DDX51: variants seen among roughly 807,000 people sequenced by gnomAD.
DDX51 encodes the protein DEAD-box helicase 51.
A neutral mutation model predicts 74.6 loss-of-function variants in DDX51; 67 were observed. The ratio of observed to expected loss-of-function variants is 0.90; its 90% CI spans 0.74 to 1.10. The LOEUF is 1.10. DDX51 is among the 50% of genes least tolerant of loss of function. The pLI is 0.00. For synonymous variants in DDX51, 545 were observed against 402.9 expected, an observed-to-expected ratio of 1.35 and a Z score of -4.22; for missense variants, 1,056 against 905.2, an observed-to-expected ratio of 1.17 and a Z score of -2.14.
At position 132,138,968 on chromosome 12, in the gene DDX51, C is replaced by CA; in HGVS notation, c.*303dup. On this transcript the variant is annotated 3_prime_UTR_variant, in exon 15 of 15. Transcript: ENST00000397333. ...CAAGGTTAATGCCCCCAACTCTCAGCAAAAGCATGACGGGTGCCCGCGTCC... is the reference window on the plus strand; with the variant it reads ...CAAGGTTAATGCCCCCAACTCTCAGCAAAAAGCATGACGGGTGCCCGCGTCC... 1 of 452,492 alleles carries CA rather than the reference C, an allele frequency of 2.2e-6. No homozygotes were observed. The highest frequency in any genetic ancestry group is 4.7e-5 in the South Asian group (1 of 21,358). 28.0% of individuals were successfully genotyped at this position (452,492 alleles called of 1,614,324 possible).
intron 5 of DDX51, 53 bp from the exon 6 acceptor site, chr12:132,142,009 A>C: frequency 1.2e-6 from 2 of 1,608,686 alleles, no homozygotes; most frequent in Non-Finnish European, 1.7e-6. Context: ...CACCTACTGC[A>C]GCAAAAAGGA....
At position 132,141,305 on chromosome 12, in the gene DDX51, C is replaced by T. The variant is rs773367671; in HGVS notation, c.1220G>A (p.Arg407Gln). The T allele has an allele frequency of 2.6e-5, 42 of 1,597,380 alleles. No homozygotes were observed. In the African/African-American group the frequency reaches 3.3e-4, roughly 13 times the overall value. The change falls in exon 8 of 15, where the codon CGA becomes CAA. Residue 407 changes from arginine to glutamine, a missense_variant. Transcript: ENST00000397333. ...DPADPCALLQ[R>Q]RQAQAVTAAS... ...GGCTGTCACAGCCTGGGCCTGCCTTCGCTGGAGCAGGGCACAGGGGTCCGC... is the reference window on the plus strand; with the variant it reads ...GGCTGTCACAGCCTGGGCCTGCCTTTGCTGGAGCAGGGCACAGGGGTCCGC...
chr12:132,140,817 G>A lies in DDX51; in HGVS notation c.1440+14C>T, dbSNP rs111226738. On this transcript the variant is annotated intron_variant, in intron 9 of 14. Coordinates refer to ENST00000397333, the MANE Select transcript of DDX51 (RefSeq NM_175066.4). ...TCCCAGTGCAACCCTCTGCCCACAC[G>A]GTATCCCACTCACCGTGAGCCCAAC... 153 of 1,613,244 alleles carry A rather than the reference G, an allele frequency of 9.5e-5. No individual in the cohort carries two copies. Among genetic ancestry groups the A allele is most frequent in the Non-Finnish European group, 6.9e-5 (81 of 1,179,952 alleles).
chr12:132,143,627 C>T, intron 2 of DDX51, 68 bp downstream of exon 2: 2 of 1,516,188 alleles, frequency 1.3e-6, no homozygotes, highest in Non-Finnish European at 8.8e-7. Context: ...CCGGGGCGAC[C>T]GCCGCACTTA....
intron 1 of DDX51, 29 bp downstream of exon 1, chr12:132,143,964 A>G (rs1897593251): frequency 6.9e-7 from 1 of 1,447,302 alleles, no homozygotes; most frequent in East Asian, 3.0e-5. Context: ...CCGGCGCCCC[A>G]GAGGGAGCCC....
chr12:132,139,601 C>T (rs1223505246), intron 14 of DDX51, 34 bp downstream of exon 14: 3 of 1,612,934 alleles, frequency 1.9e-6, no homozygotes, highest in African/African-American at 1.3e-5. Context: ...ACGCCCTCCC[C>T]AGAGGGTTTC....
rs1402523605 is a variant in DDX51 at position 132,137,864 on chromosome 12, CACT to C, written c.*1405_*1407del. The C allele has an allele frequency of 1.3e-5, 2 of 151,518 alleles. No homozygotes were observed. Among genetic ancestry groups the C allele is most frequent in the African/African-American group, 4.9e-5 (2 of 40,850 alleles). The allele number at this position is 151,518 out of a possible 1,614,324, so 9.4% of individuals were successfully genotyped here. On this transcript the variant is annotated 3_prime_UTR_variant, in exon 15 of 15. Coordinates refer to ENST00000397333, the MANE Select transcript of DDX51 (RefSeq NM_175066.4). ...CCCCAAAACAAACCCACACACTGGC[CACT>C]GTGTCCCCAGCCCCAACCCCCACCA... is the stretch of plus-strand genomic sequence containing the variant.
intron 12 of DDX51, 25 bp downstream of exon 12, chr12:132,140,073 C>T: frequency 6.2e-7 from 1 of 1,609,636 alleles, no homozygotes; most frequent in Non-Finnish European, 8.5e-7. Context: ...CCAGACCCCC[C>T]AGTGGCCGCT....
At position 132,142,177 on chromosome 12, in the gene DDX51, C is replaced by T; in HGVS notation, c.830G>A (p.Arg277Lys). The change falls in exon 5 of 15, where the codon AGA (arginine) becomes AAA (lysine). Residue 277 changes from arginine (R) to lysine (K), a missense_variant. Arg to Lys is a conservative substitution (Grantham distance 26). Coordinates refer to ENST00000397333, the MANE Select transcript of DDX51 (RefSeq NM_175066.4). ...CAGGGCACGGATGTGGCAGACCACT[C>T]TCGAAAGCAGGGCCTGAGGGGGAAG... ...VIPVVQALLS[R>K]VVCHIRALVV... 8.3e-6 allele frequency: 13 copies of T among 1,558,424 alleles called. No individual in the cohort carries two copies. The highest frequency in any genetic ancestry group is 1.0e-5 in the Non-Finnish European group (12 of 1,151,062).
In DDX51 at chr12:132,142,377, C is replaced by T. The variant is rs760453079; in HGVS notation, c.716G>A (p.Gly239Glu). 2 of 1,612,982 alleles carry T rather than the reference C, an allele frequency of 1.2e-6. No individual in the cohort carries two copies. The highest frequency in any genetic ancestry group is 2.2e-5 in the East Asian group (1 of 44,888). Residue 239 changes from glycine (G) to glutamate (E), a missense_variant, in exon 4 of 15, where the codon GGG (glycine) becomes GAG (glutamate). Physicochemically the swap from Gly to Glu is moderately conservative, Grantham distance 98 (BLOSUM62 -2). Coordinates refer to ENST00000397333, the MANE Select transcript of DDX51 (RefSeq NM_175066.4). ...IPALLESAAC[G>E]FLVGRGGYRP... Reference sequence around the variant, plus strand: ...GTAGCCACCTCTGCCCACCAGAAACCCACAGGCTGCGCTCTCCAGGAGGGC... The same window carrying T: ...GTAGCCACCTCTGCCCACCAGAAACTCACAGGCTGCGCTCTCCAGGAGGGC...
intron 2 of DDX51, chr12:132,143,085 C>T (rs1251148987): frequency 6.4e-6 from 4 of 627,628 alleles, no homozygotes; most frequent in Non-Finnish European, 1.1e-5. Flanking sequence ...ACTCTGTAGC[C>T]TCCCATCAAC....
Position 132,139,236 on chromosome 12 carries a change from T to C in DDX51, c.*36A>G, listed in dbSNP as rs756675784. The C allele has an allele frequency of 6.2e-7, 1 of 1,602,740 alleles. No individual in the cohort carries two copies. The highest frequency in any genetic ancestry group is 2.2e-5 in the East Asian group (1 of 44,630). ...TGCTCTGGAAGGAGGGTCAGGGTGG[T>C]GAGCGTTCAGTCCCTCCGGCCCTCT... On this transcript the variant is annotated 3_prime_UTR_variant, in exon 15 of 15. Coordinates refer to ENST00000397333, the MANE Select transcript of DDX51 (RefSeq NM_175066.4).
intron 14 of DDX51, 130 bp from the exon 15 acceptor site, chr12:132,139,428 C>A: frequency 6.6e-7 from 1 of 1,521,376 alleles, no homozygotes. Context: ...CCTGGCCCCG[C>A]TGACAGCCCT....
In DDX51 at chr12:132,139,877, AGT is replaced by A. The variant is rs1481850175; in HGVS notation, c.1821_1822del (p.Leu608AlafsTer15). 1 of 1,613,086 alleles carries A rather than the reference AGT, an allele frequency of 6.2e-7. No individual in the cohort carries two copies. Among genetic ancestry groups the A allele is most frequent in the Non-Finnish European group, 8.5e-7 (1 of 1,180,008 alleles). ...CAGCCTCACCTGCACTTTCAGGAGCAGTGTGAAGGCCTGTCCAGTTTTCCCAG... is the reference window on the plus strand; with the variant it reads ...CAGCCTCACCTGCACTTTCAGGAGCAGTGAAGGCCTGTCCAGTTTTCCCAG... On this transcript the variant is annotated frameshift_variant, in exon 13 of 15. Transcript: ENST00000397333. LOFTEE classifies it high-confidence loss of function.
At chr12:132,140,026 G>C (rs1897384906) in intron 12 of DDX51, 72 bp downstream of exon 12, 17 of 1,606,702 alleles carry the variant, frequency 1.1e-5, no homozygotes, top group Non-Finnish European at 1.4e-5. Flanking sequence ...CGCCAGTCAA[G>C]ACGGTCCCAC....
At position 132,141,328 on chromosome 12, in the gene DDX51, C is replaced by T. The variant is rs779523087; in HGVS notation, c.1197G>A (p.Ala399=). 17 of 1,598,700 alleles carry T rather than the reference C, an allele frequency of 1.1e-5. No individual in the cohort carries two copies. The highest frequency in any genetic ancestry group is 6.7e-5 in the Admixed American group (4 of 59,948). Residue 399 remains alanine (A), a synonymous_variant, in exon 8 of 15, where the codon GCG becomes GCA. Coordinates refer to ENST00000397333, the MANE Select transcript of DDX51 (RefSeq NM_175066.4). ...VAAAFQSEDP[A]DPCALLQRRQ... ...TTCGCTGGAGCAGGGCACAGGGGTC[C>T]GCGGGGTCCTCGCTCTGGAAGGCGG...
rs1370745416 is a variant in DDX51 at position 132,140,935 on chromosome 12, G to A, written c.1336C>T (p.Leu446Phe). The change falls in exon 9 of 15, where the codon CTC (leucine) becomes TTC (phenylalanine). Residue 446 changes from leucine (L) to phenylalanine (F), a missense_variant. By Grantham distance (22) the Leu-to-Phe change is conservative. Transcript: ENST00000397333. ...QNPEKLQQLG[L>F]HQPRLFSTGL... ...GTGGAGAAAAGCCGGGGCTGGTGGA[G>A]GCCCAGCTGCTGCAGCTTTTCAGGG... 3 of 1,613,266 alleles carry A rather than the reference G, an allele frequency of 1.9e-6. No individual in the cohort carries two copies. The highest frequency in any genetic ancestry group is 2.5e-6 in the Non-Finnish European group (3 of 1,179,912).
Position 132,144,054 on chromosome 12 carries a change from C to A in DDX51, c.243G>T (p.Pro81=). ...TTCCCTGCGGCGCCTCCGGGCTCCCCGGCTCCGCGTCGTTCACCCGCCGCC... is the reference window on the plus strand; with the variant it reads ...TTCCCTGCGGCGCCTCCGGGCTCCCAGGCTCCGCGTCGTTCACCCGCCGCC... ...RRRRRVNDAE[P]GSPEAPQGKR... is the part of the protein sequence containing the mutation. Residue 81 remains proline (P), a synonymous_variant, in exon 1 of 15, where the codon CCG becomes CCT. Transcript: ENST00000397333. 7.6e-7 allele frequency: 1 copy of A among 1,316,882 alleles called. No individual in the cohort carries two copies. The highest frequency in any genetic ancestry group is 9.6e-7 in the Non-Finnish European group (1 of 1,039,228). 81.6% of individuals were successfully genotyped at this position (1,316,882 alleles called of 1,614,324 possible). A position where few individuals can be genotyped will look rare whatever the true frequency, so the allele number is the denominator to read the frequency against.
Position 132,140,126 on chromosome 12 carries a change from G to T in DDX51, c.1747C>A (p.Pro583Thr). The T allele has an allele frequency of 6.2e-7, 1 of 1,612,694 alleles. No homozygotes were observed. The highest frequency in any genetic ancestry group is 8.5e-7 in the Non-Finnish European group (1 of 1,179,946). The change falls in exon 12 of 15, where the codon CCC becomes ACC. Residue 583 changes from proline to threonine, a missense_variant. Physicochemically the swap from Pro to Thr is conservative, Grantham distance 38 (BLOSUM62 -1). Transcript: ENST00000397333. ...GVELVVNYDA[P>T]QYLRTYVHRV... ...TGCACGTAGGTTCTCAGGTACTGGGGGGCGTCGTAGTTCACCACCAGCTCC... is the reference window on the plus strand; with the variant it reads ...TGCACGTAGGTTCTCAGGTACTGGGTGGCGTCGTAGTTCACCACCAGCTCC...
Sources: allele counts gnomAD v4.1 joint callset, GRCh38; gene constraint gnomAD v4.1.1; transcripts MANE v1.5; gene names NCBI Gene and HGNC (gene_info 2026-07-23, HGNC 2026-07-21).